GULP1: variants seen among roughly 807,000 people sequenced by gnomAD.
The protein encoded by GULP1 is GULP PTB domain containing engulfment adaptor 1.
GULP1 carries 19 observed loss-of-function variants against 40.9 expected under a neutral mutation model. The ratio of observed to expected loss-of-function variants is 0.46; its 90% CI spans 0.32 to 0.68. GULP1 has a LOEUF of 0.68. Among genes scored for constraint, GULP1 ranks in the 30% least tolerant of loss-of-function variants. The pLI is 0.03. For synonymous variants in GULP1, 119 were observed against 117.6 expected (o/e 1.01, Z -0.08); for missense variants, 312 against 362.2 (o/e 0.86, Z 1.12).
intron 6 of GULP1, 50 bp downstream of exon 6, chr2:188,529,245 A>T (rs771681032): frequency 4.7e-6 from 4 of 859,890 alleles, no homozygotes; most frequent in Non-Finnish European, 7.6e-6. Context: ...AATTGCAATT[A>T]TATTCCTACT....
chr2:188,369,953 CCTT>C (rs2047384894), intron 1 of GULP1, among the ~76,000 whole-genome samples: 1 of 152,128 alleles, frequency 6.6e-6, no homozygotes, highest in South Asian at 2.1e-4. Context: ...AAGCAGTCCT[CCTT>C]CTTAGCGTCT....
chr2:188,558,896 C>T (rs1365604277), intron 7 of GULP1, among the ~76,000 whole-genome samples: 1 of 152,068 alleles, frequency 6.6e-6, no homozygotes, highest in Non-Finnish European at 1.5e-5. Context: ...TTTCTAAGCA[C>T]CAAAGCATTC....
chr2:188,304,578 C>A (rs2036718600), intron 1 of GULP1, among the ~76,000 whole-genome samples: 1 of 152,142 alleles, frequency 6.6e-6, no homozygotes, highest in Non-Finnish European at 1.5e-5. Flanking sequence ...TGTTGAATGC[C>A]AACTGGACAG....
intron 6 of GULP1, among the ~76,000 whole-genome samples, chr2:188,539,248 T>C (rs926847610): frequency 6.6e-5 from 10 of 152,146 alleles, no homozygotes; most frequent in African/African-American, 2.2e-4. Flanking sequence ...TGAATTTTTT[T>C]CCTATAGTGT....
intron 7 of GULP1, among the ~76,000 whole-genome samples, chr2:188,548,806 G>A (rs1003541027): frequency 4.0e-5 from 6 of 150,206 alleles, no homozygotes; most frequent in Non-Finnish European, 8.9e-5. Context: ...TGCTGCAAAA[G>A]CAGTGCAATA....
intron 2 of GULP1, among the ~76,000 whole-genome samples, chr2:188,407,104 T>G (rs989240836): frequency 6.6e-6 from 1 of 152,018 alleles, no homozygotes; most frequent in Non-Finnish European, 1.5e-5. Context: ...TGTGGTAGCT[T>G]CAAAATGCTG....
chr2:188,308,520 C>T (rs1372480865), intron 1 of GULP1, among the ~76,000 whole-genome samples: 1 of 152,216 alleles, frequency 6.6e-6, no homozygotes, highest in Admixed American at 6.5e-5. Context: ...CATAAATGCA[C>T]TAGAGCTTTG....
chr2:188,486,740 T>G (rs182395425), intron 4 of GULP1, among the ~76,000 whole-genome samples: 75 of 152,046 alleles, frequency 4.9e-4, no homozygotes, highest in African/African-American at 1.5e-3. Flanking sequence ...GTAGGGTTCA[T>G]TAGTTTTGGA....
At chr2:188,517,656 C>G (rs1046869829) in intron 4 of GULP1, among the ~76,000 whole-genome samples, 2 of 152,146 alleles carry the variant, frequency 1.3e-5, no homozygotes, top group South Asian at 2.1e-4. Context: ...GCTGACTGAT[C>G]AGGTGACCCA....
At chr2:188,408,281 C>G (rs969354719) in intron 2 of GULP1, among the ~76,000 whole-genome samples, 1 of 152,072 alleles carries the variant, frequency 6.6e-6, no homozygotes, top group South Asian at 2.1e-4. Flanking sequence ...TCTAGAACTG[C>G]GAGTTAAATA....
intron 1 of GULP1, among the ~76,000 whole-genome samples, chr2:188,334,039 C>T (rs561250002): frequency 6.6e-6 from 1 of 152,220 alleles, no homozygotes; most frequent in East Asian, 1.9e-4. Flanking sequence ...TGTAGTGACT[C>T]CACCCCAACG....
intron 10 of GULP1, among the ~76,000 whole-genome samples, chr2:188,585,059 C>G (rs1004336382): frequency 6.6e-6 from 1 of 152,128 alleles, no homozygotes. Context: ...GAGAAATTGG[C>G]AAAGCGAAGG....
At chr2:188,520,773 C>T (rs2065678521) in intron 4 of GULP1, among the ~76,000 whole-genome samples, 1 of 152,032 alleles carries the variant, frequency 6.6e-6, no homozygotes, top group Admixed American at 6.5e-5. Flanking sequence ...GCAATGCTTC[C>T]AGAAATATAA....
At chr2:188,587,809 C>A in intron 10 of GULP1, 46 bp from the exon 11 acceptor site, 1 of 1,015,340 alleles carries the variant, frequency 9.8e-7, no homozygotes, top group Non-Finnish European at 1.5e-6. Context: ...CTAACTCCAG[C>A]TCACTTCTTG....
rs1259520962 is a variant in GULP1, at chr2:188,569,313, A to C, written c.474A>C (p.Lys158Asn). 5 of 1,599,036 alleles carry C rather than the reference A, an allele frequency of 3.1e-6. No homozygotes were observed. Among genetic ancestry groups the C allele is most frequent in the Non-Finnish European group, 4.3e-6 (5 of 1,166,424 alleles). Residue 158 changes from lysine to asparagine, a missense_variant, in exon 8 of 12, where the codon AAA becomes AAC. Physicochemically the swap from Lys to Asn is moderately conservative, Grantham distance 94. Coordinates refer to ENST00000409830, the MANE Select transcript of GULP1 (RefSeq NM_016315.4). ...AYRKFLESGG[K>N]DVETRKQIAG... ...GGAAATTTCTAGAATCAGGAGGAAA[A>C]GATGTTGAAACAAGAAAACAGATCG...
At chr2:188,426,664 T>C (rs2056242246) in intron 2 of GULP1, among the ~76,000 whole-genome samples, 1 of 152,218 alleles carries the variant, frequency 6.6e-6, no homozygotes, top group Admixed American at 6.5e-5. Context: ...GTGATCTCTG[T>C]TTTAATATTA....
intron 4 of GULP1, among the ~76,000 whole-genome samples, chr2:188,514,040 A>AGTGTGTGTGTGTGTGT (rs1164481151): frequency 0.03 from 3,672 of 122,990 alleles, 169 homozygotes; most frequent in Middle Eastern, 0.057. Flanking sequence ...TCCCCTTCTG[A>AGTGTGTGTGTGTGTGT]GTGTGTGTGT....
rs553750390 is a variant in GULP1, at chr2:188,336,777, C to T, written c.-172+44611C>T. On this transcript the variant is annotated intron_variant, in intron 1 of 11. Transcript: ENST00000409830. ...AAATTCTAAGGCTATAAAAGTTTTGCTTATAGGAGGACCACTAAAAGACTA... is the reference window on the plus strand; with the variant it reads ...AAATTCTAAGGCTATAAAAGTTTTGTTTATAGGAGGACCACTAAAAGACTA... 5.3e-5 allele frequency among the ~76,000 whole-genome samples: 8 copies of T among 152,244 alleles called. No homozygotes were observed. The South Asian group carries it at 1.7e-3, about 32-fold the overall frequency.
chr2:188,575,915 A>G (rs1292079374), intron 9 of GULP1, among the ~76,000 whole-genome samples: 3 of 152,124 alleles, frequency 2.0e-5, no homozygotes, highest in South Asian at 2.1e-4. Context: ...CTATAATTCT[A>G]CCTGTGGAGG....
Sources: allele counts gnomAD v4.1 joint callset (sites outside exome capture counted in the v4.1 genomes callset), GRCh38; gene constraint gnomAD v4.1.1; transcripts MANE v1.5; gene names NCBI Gene and HGNC (gene_info 2026-07-23, HGNC 2026-07-21).